Variants in CELSR1 observed in about 807,000 individuals in gnomAD.
The protein encoded by CELSR1 is cadherin EGF LAG seven-pass G-type receptor 1, also known as adhesion G protein-coupled receptor C1.
CELSR1 carries 110 observed loss-of-function variants against 249.1 expected under a neutral mutation model. That is an observed-to-expected ratio of 0.44 (90% confidence interval 0.38 to 0.52). CELSR1 has a LOEUF of 0.52. CELSR1 is among the 20% of genes least tolerant of loss of function. The pLI is 0.00. For missense variants in CELSR1, 4,109 were observed against 4,296.4 expected, an observed-to-expected ratio of 0.96 and a Z score of 1.22; for synonymous variants, 2,113 against 1,900.0, an observed-to-expected ratio of 1.11 and a Z score of -2.92.
chr22:46,369,883 G>A, intron 25 of CELSR1, 79 bp from the exon 26 acceptor site: 2 of 1,171,830 alleles, frequency 1.7e-6, no homozygotes, highest in Non-Finnish European at 1.3e-6. Flanking sequence ...AGCCAGGGTG[G>A]GGTGAAATGG....
chr22:46,404,539 C>A (rs972018173), intron 9 of CELSR1, among the ~76,000 whole-genome samples: 1 of 152,136 alleles, frequency 6.6e-6, no homozygotes, highest in Middle Eastern at 3.4e-3. Context: ...TTTTAACTGG[C>A]TGTAAAGATT....
Position 46,380,252 on chromosome 22 carries a change from C to T in CELSR1, c.7256+536G>A, listed in dbSNP as rs1205691350. On this transcript the variant is annotated intron_variant, in intron 22 of 34. Coordinates refer to ENST00000674500, the MANE Select transcript of CELSR1 (RefSeq NM_001378328.1). This position sits in a 1 kb window ranked among gnomAD's most constrained non-coding sequence, Gnocchi z 5.1. ...TTCTCCTGCGTTCGCCACTCTGTGA[C>T]TCTCTGACGCTGCTTCTGAAACGGG... Among the ~76,000 whole-genome samples the T allele has an allele frequency of 6.6e-6, 1 of 152,232 alleles. No homozygotes were observed. The highest frequency in any genetic ancestry group is 1.5e-5 in the Non-Finnish European group (1 of 68,038).
At chr22:46,388,142 A>T (rs1475574987) in intron 18 of CELSR1, among the ~76,000 whole-genome samples, 3 of 152,172 alleles carry the variant, frequency 2.0e-5, no homozygotes, top group Non-Finnish European at 4.4e-5. Flanking sequence ...TGAGGTCAGG[A>T]GTTCGAGACC....
chr22:46,380,258 G>T lies in CELSR1; in HGVS notation c.7256+530C>A, dbSNP rs1260429073. 6.6e-6 allele frequency among the ~76,000 whole-genome samples: 1 copy of T among 152,234 alleles called. No homozygotes were observed. Among genetic ancestry groups the T allele is most frequent in the Non-Finnish European group, 1.5e-5 (1 of 68,044 alleles). Reference sequence around the variant, plus strand: ...TGCGTTCGCCACTCTGTGACTCTCTGACGCTGCTTCTGAAACGGGCCAGAT... The same window carrying T: ...TGCGTTCGCCACTCTGTGACTCTCTTACGCTGCTTCTGAAACGGGCCAGAT... On this transcript the variant is annotated intron_variant, in intron 22 of 34. Coordinates refer to ENST00000674500, the MANE Select transcript of CELSR1 (RefSeq NM_001378328.1). This position sits in a 1 kb window ranked among gnomAD's most constrained non-coding sequence, Gnocchi z 5.1.
intron 18 of CELSR1, among the ~76,000 whole-genome samples, chr22:46,387,659 A>G (rs1391249026): frequency 6.6e-6 from 1 of 152,096 alleles, no homozygotes; most frequent in African/African-American, 2.4e-5. Context: ...GCGCCCGGCC[A>G]GAAGTCATTT....
Position 46,409,079 on chromosome 22 carries a change from G to C in CELSR1, c.5143C>G (p.Leu1715Val). ...TTCCGGGTCCGGAACATGAGCCCCA[G>C]GTACCAGGGCACAGAGATGATGATG... ...LNIIISVPWYLGLMFRTRKED... is the reference protein window; with the variant it reads ...LNIIISVPWYVGLMFRTRKED... The change falls in exon 9 of 35, where the codon CTG becomes GTG. Residue 1715 changes from leucine to valine, a missense_variant. Transcript: ENST00000674500. The surrounding 1 kb of genome is among the most constrained non-coding windows in gnomAD (Gnocchi z 9.8). 6.2e-7 allele frequency: 1 copy of C among 1,613,428 alleles called. No homozygotes were observed. Among genetic ancestry groups the C allele is most frequent in the South Asian group, 1.1e-5 (1 of 90,958 alleles).
intron 5 of CELSR1, among the ~76,000 whole-genome samples, chr22:46,420,302 ATG>A (rs2079453369): frequency 8.3e-6 from 1 of 121,028 alleles, no homozygotes; most frequent in South Asian, 2.3e-4. Flanking sequence ...TCAGCCACTC[ATG>A]TGCACTCACG....
intron 5 of CELSR1, among the ~76,000 whole-genome samples, chr22:46,425,605 T>C (rs1458207619): frequency 6.6e-6 from 1 of 152,228 alleles, no homozygotes; most frequent in East Asian, 1.9e-4. Context: ...ATTACCCTTT[T>C]TAACATCTAC....
chr22:46,373,658 TGGGGGAGAA>T lies in CELSR1; in HGVS notation c.7585-610_7585-602del, dbSNP rs1263234621. ...CCAGCCAAATGGGAGAATGGGGAGA[TGGGGGAGAA>T]GGGGGAGATGGGGGAGATGGGGGAG... On this transcript the variant is annotated intron_variant, in intron 24 of 34. Coordinates refer to ENST00000674500, the MANE Select transcript of CELSR1 (RefSeq NM_001378328.1). Among the ~76,000 whole-genome samples the T allele has an allele frequency of 7.1e-4, 34 of 48,018 alleles. 1 individual carries two copies. The highest frequency in any genetic ancestry group is 2.8e-3 in the African/African-American group (33 of 11,706). The allele number at this position is 48,018 out of a possible 152,430, so 31.5% of individuals were successfully genotyped here. A position where few individuals can be genotyped will look rare whatever the true frequency, so the allele number is the denominator to read the frequency against.
intron 1 of CELSR1, among the ~76,000 whole-genome samples, chr22:46,531,086 G>A (rs1425315329): frequency 1.3e-5 from 2 of 152,174 alleles, no homozygotes; most frequent in Non-Finnish European, 2.9e-5. Context: ...TTTCTATCCG[G>A]TGCTTTGCTG....
Position 46,431,000 on chromosome 22 carries a change from A to G in CELSR1, c.4611+2393T>C, listed in dbSNP as rs2079589047. ...AAAACTGGTTGGTTTCCTCCATCAA[A>G]TAACCTCAGGCAAGAGAGAGAAGTA... On this transcript the variant is annotated intron_variant, in intron 5 of 34. Transcript: ENST00000674500. The surrounding 1 kb of genome is among the most constrained non-coding windows in gnomAD (Gnocchi z 4.6). Among the ~76,000 whole-genome samples the G allele has an allele frequency of 6.6e-6, 1 of 152,212 alleles. No individual in the cohort carries two copies. The highest frequency in any genetic ancestry group is 6.5e-5 in the Admixed American group (1 of 15,282).
At chr22:46,476,480 C>T (rs1449793613) in intron 1 of CELSR1, among the ~76,000 whole-genome samples, 2 of 151,534 alleles carry the variant, frequency 1.3e-5, no homozygotes, top group Non-Finnish European at 2.9e-5. Context: ...CCTGTGGTCC[C>T]AGCTACTCAG....
chr22:46,497,163 A>G (rs1039092068), intron 1 of CELSR1, among the ~76,000 whole-genome samples: 22 of 152,330 alleles, frequency 1.4e-4, no homozygotes, highest in African/African-American at 5.1e-4. Context: ...TCCTATATGC[A>G]GCCCGTCCTT....
chr22:46,415,026 C>T (rs924557859), intron 5 of CELSR1, among the ~76,000 whole-genome samples: 3 of 152,172 alleles, frequency 2.0e-5, no homozygotes, highest in African/African-American at 7.2e-5. Context: ...CACGAAAGGC[C>T]ATGCACCGCG....
chr22:46,401,113 G>C lies in CELSR1; in HGVS notation c.5227-1211C>G, dbSNP rs2079206895. ...GCCCCATTAGGCTTTTAAGTACTGGGACCCAGCTCGATTCAGGTAACTACT... is the reference window on the plus strand; with the variant it reads ...GCCCCATTAGGCTTTTAAGTACTGGCACCCAGCTCGATTCAGGTAACTACT... On this transcript the variant is annotated intron_variant, in intron 9 of 34. Transcript: ENST00000674500. This position sits in a 1 kb window ranked among gnomAD's most constrained non-coding sequence, Gnocchi z 4.7. Among the ~76,000 whole-genome samples the C allele has an allele frequency of 6.6e-6, 1 of 152,108 alleles. No individual in the cohort carries two copies. The highest frequency in any genetic ancestry group is 6.5e-5 in the Admixed American group (1 of 15,270).
At chr22:46,414,276 C>A (rs1206981268) in intron 5 of CELSR1, among the ~76,000 whole-genome samples, 1 of 152,178 alleles carries the variant, frequency 6.6e-6, no homozygotes, top group African/African-American at 2.4e-5. Flanking sequence ...AGACACCCAC[C>A]GGCGGCCACT....
chr22:46,388,180 C>A (rs2079051543), intron 18 of CELSR1, among the ~76,000 whole-genome samples: 1 of 152,100 alleles, frequency 6.6e-6, no homozygotes, highest in Admixed American at 6.5e-5. Context: ...GAAACCCTGT[C>A]TCTACCAAAA....
At chr22:46,419,464 G>T (rs2079440107) in intron 5 of CELSR1, among the ~76,000 whole-genome samples, 2 of 152,138 alleles carry the variant, frequency 1.3e-5, no homozygotes, top group African/African-American at 2.4e-5. Flanking sequence ...ATCCTGACAA[G>T]CGGGACAAGG....
chr22:46,364,697 T>A lies in CELSR1; in HGVS notation c.8594A>T (p.Asp2865Val). 1 of 1,612,460 alleles carries A rather than the reference T, an allele frequency of 6.2e-7. No individual in the cohort carries two copies. Among genetic ancestry groups the A allele is most frequent in the Middle Eastern group, 1.6e-4 (1 of 6,062 alleles). ...ACTGTCACTCTCAGCCAGGCTCTGG[T>A]CGGGCCAGCCGGCCGGAACGTGGTT... ...VANHVPAGWP[D>V]QSLAESDSED... Residue 2865 changes from aspartate to valine, a missense_variant, in exon 33 of 35, where the codon GAC becomes GTC. Transcript: ENST00000674500.
Sources: gnomAD v4.1 joint callset for allele counts (sites outside exome capture counted in the v4.1 genomes callset) on GRCh38, gnomAD v4.1.1 for gene constraint, Gnocchi (gnomAD v3.1) non-coding constraint, MANE v1.5 for transcripts, NCBI Gene and HGNC (gene_info 2026-07-23, HGNC 2026-07-21) for gene names.